Variants in FANK1 observed in about 807,000 individuals in gnomAD.
FANK1 encodes the protein fibronectin type 3 and ankyrin repeat domains protein 1.
FANK1 carries 44 observed loss-of-function variants against 45.3 expected under a neutral mutation model. The observed-to-expected ratio is 0.97, with a 90% CI of 0.76 to 1.25. The LOEUF (loss-of-function observed/expected upper bound fraction) is 1.25, where lower values mean the gene tolerates loss of function less well. FANK1 is among the 50% of genes most tolerant of loss of function. The pLI is 0.00. For synonymous variants in FANK1, 149 were observed against 152.5 expected (o/e 0.98, Z 0.17); for missense variants, 391 against 424.4 (o/e 0.92, Z 0.69).
At chr10:125,963,459 C>A (rs10458780) in intron 1 of FANK1, among the ~76,000 whole-genome samples, 1 of 151,998 alleles carries the variant, frequency 6.6e-6, no homozygotes, top group Admixed American at 6.6e-5. Flanking sequence ...ACGTTTATTG[C>A]GGCACTATTC....
At chr10:125,952,885 G>A (rs895331217) in intron 1 of FANK1, among the ~76,000 whole-genome samples, 72 of 149,946 alleles carry the variant, frequency 4.8e-4, no homozygotes, top group Admixed American at 3.3e-4. Context: ...TGATATGGTG[G>A]ACTCATTAAA....
chr10:125,957,971 A>ATAGTGATG (rs1347496088), intron 1 of FANK1, among the ~76,000 whole-genome samples: 1 of 152,016 alleles, frequency 6.6e-6, no homozygotes, highest in Non-Finnish European at 1.5e-5. Context: ...TATGGGGTAT[A>ATAGTGATG]TAGTGATGTT....
intron 1 of FANK1, among the ~76,000 whole-genome samples, chr10:125,920,553 A>T (rs140475709): frequency 0.019 from 2,871 of 152,340 alleles, 33 homozygotes; most frequent in South Asian, 0.033. Context: ...CCACATAAAC[A>T]TTTCTGCTTC....
intron 1 of FANK1, among the ~76,000 whole-genome samples, chr10:125,950,870 T>A (rs1291208672): frequency 6.7e-6 from 1 of 149,164 alleles, no homozygotes; most frequent in Admixed American, 6.7e-5. Context: ...TAGACTGGAT[T>A]AAGAAAATGT....
At chr10:125,942,075 A>C (rs1948486372) in intron 1 of FANK1, among the ~76,000 whole-genome samples, 1 of 152,220 alleles carries the variant, frequency 6.6e-6, no homozygotes, top group Non-Finnish European at 1.5e-5. Flanking sequence ...TTCTGATGTG[A>C]AATGTCATGA....
chr10:125,987,410 A>C lies in FANK1; in HGVS notation c.192-1141A>C, dbSNP rs909612438. ...AAAGTAAAAACTAGAGACAGGAAAA[A>C]ACAAAAGGAGGAAACAATGGTAACC... On this transcript the variant is annotated intron_variant, in intron 2 of 10. Transcript: ENST00000368693. Among the ~76,000 whole-genome samples the C allele has an allele frequency of 2.0e-4, 30 of 151,838 alleles. 1 individual carries two copies.
At chr10:125,987,528 G>GACAC (rs34923987) in intron 2 of FANK1, among the ~76,000 whole-genome samples, 19 of 150,286 alleles carry the variant, frequency 1.3e-4, no homozygotes, top group African/African-American at 3.4e-4. Context: ...AGCTGGAAAT[G>GACAC]ACACACACAC....
At chr10:125,945,530 G>A (rs1201410658) in intron 1 of FANK1, among the ~76,000 whole-genome samples, 1 of 152,198 alleles carries the variant, frequency 6.6e-6, no homozygotes, top group Non-Finnish European at 1.5e-5. Context: ...CCCGAATATT[G>A]TGCTTTTCAG....
At chr10:125,976,660 T>A (rs889242668) in intron 1 of FANK1, among the ~76,000 whole-genome samples, 5 of 152,104 alleles carry the variant, frequency 3.3e-5, no homozygotes, top group African/African-American at 1.2e-4. Context: ...TCTCGCTCTG[T>A]CACCCAGGCT....
chr10:125,994,238 G>A (rs1030307037), intron 3 of FANK1: 17 of 300,684 alleles, frequency 5.7e-5, no homozygotes, highest in African/African-American at 3.2e-4. Context: ...TGGGGTAGGA[G>A]TGGATATTTT....
intron 1 of FANK1, among the ~76,000 whole-genome samples, chr10:125,929,613 T>C (rs1039814317): frequency 6.6e-6 from 1 of 152,232 alleles, no homozygotes; most frequent in African/African-American, 2.4e-5. Flanking sequence ...TAGAAGCCTT[T>C]TCACATGTAG....
chr10:125,960,310 C>T lies in FANK1; in HGVS notation c.14-19851C>T, dbSNP rs1312893967. The stretch of plus-strand genomic sequence containing the variant: ...TGCATGCAGTACTGTTGCAGCTCTG[C>T]AGCTGCCTGAGAGACCTTGATCCTC... On this transcript the variant is annotated intron_variant, in intron 1 of 10. Coordinates refer to ENST00000368693, the MANE Select transcript of FANK1 (RefSeq NM_145235.5). 5.2e-5 allele frequency: 14 copies of T among 269,210 alleles called. No homozygotes were observed. In the Admixed American group the frequency reaches 5.4e-4, roughly 10 times the overall value. The allele number at this position is 269,210 out of a possible 1,614,324, so 16.7% of individuals were successfully genotyped here. A position where few individuals can be genotyped will look rare whatever the true frequency, so the allele number is the denominator to read the frequency against.
At chr10:125,899,862 A>G (rs1406250113) in intron 1 of FANK1, among the ~76,000 whole-genome samples, 7 of 152,050 alleles carry the variant, frequency 4.6e-5, no homozygotes, top group Non-Finnish European at 8.8e-5. Context: ...TGAATATAGC[A>G]TCAGTAAATT....
At chr10:125,905,151 CA>C (rs921443438) in intron 1 of FANK1, among the ~76,000 whole-genome samples, 1 of 92,558 alleles carries the variant, frequency 1.1e-5, no homozygotes, top group Non-Finnish European at 2.3e-5. Context: ...AAAAAAAAAA[CA>C]AAAAAAACGT....
intron 1 of FANK1, among the ~76,000 whole-genome samples, chr10:125,962,083 A>G (rs1267094917): frequency 4.6e-5 from 7 of 152,376 alleles, no homozygotes; most frequent in East Asian, 3.9e-4. Flanking sequence ...TTTGCAAGCT[A>G]TTCATCTGAT....
In FANK1 at chr10:125,995,528, C is replaced by T. The variant is rs767093060; in HGVS notation, c.398+30C>T. 1.7e-5 allele frequency: 27 copies of T among 1,582,356 alleles called. No individual in the cohort carries two copies. In the South Asian group the frequency reaches 2.7e-4, roughly 16 times the overall value. The stretch of plus-strand genomic sequence containing the variant: ...GAGAACTCTGTCAGTTGTTTTTTTT[C>T]CCCCATGCCTATAAAGTGCATAGAA... On this transcript the variant is annotated intron_variant, in intron 4 of 10. Transcript: ENST00000368693.
intron 6 of FANK1, among the ~76,000 whole-genome samples, chr10:126,002,015 A>T (rs1411959726): frequency 4.6e-5 from 7 of 152,122 alleles, no homozygotes; most frequent in Non-Finnish European, 1.5e-5. Flanking sequence ...GGCATTATTT[A>T]AAAATCATGC....
intron 1 of FANK1, among the ~76,000 whole-genome samples, chr10:125,970,784 CAG>C (rs749857683): frequency 2.0e-5 from 3 of 152,134 alleles, no homozygotes; most frequent in Admixed American, 2.0e-4. Flanking sequence ...GCCTCGGCAA[CAG>C]AGGGGGACCG....
chr10:125,929,798 G>A (rs968619536), intron 1 of FANK1, among the ~76,000 whole-genome samples: 2 of 152,148 alleles, frequency 1.3e-5, no homozygotes, highest in Non-Finnish European at 1.5e-5. Context: ...GAGCATAGGG[G>A]CTCAAAGTTC....
Sources: allele counts gnomAD v4.1 joint callset (sites outside exome capture counted in the v4.1 genomes callset), GRCh38; gene constraint gnomAD v4.1.1; transcripts MANE v1.5; gene names NCBI Gene and HGNC (gene_info 2026-07-23, HGNC 2026-07-21).